PCNX1: variants seen among roughly 807,000 people sequenced by gnomAD.
The protein encoded by PCNX1 is pecanex-like protein 1.
In PCNX1, 78 loss-of-function variants were observed where a neutral mutation model predicts 242.2. The observed-to-expected ratio is 0.32, with a 90% CI of 0.27 to 0.39. The LOEUF is 0.39. Among genes scored for constraint, PCNX1 ranks in the 10% least tolerant of loss-of-function variants. The probability of loss-of-function intolerance (pLI) is 1.00; values close to 1 mark genes in which losing one functional copy is unlikely to be tolerated. For synonymous variants in PCNX1, 1,024 were observed against 1,032.9 expected (o/e 0.99, Z 0.17); for missense variants, 2,581 against 2,856.5 (o/e 0.90, Z 2.20).
chr14:70,948,737 G>A (rs2057575689), intron 2 of PCNX1, among the ~76,000 whole-genome samples: 1 of 141,980 alleles, frequency 7.0e-6, no homozygotes, highest in Non-Finnish European at 1.6e-5. Context: ...ACATATATAT[G>A]TGTATATGTA....
intron 10 of PCNX1, chr14:71,011,763 T>C (rs1439888120): frequency 1.2e-5 from 6 of 500,740 alleles, no homozygotes; most frequent in Non-Finnish European, 2.1e-5. Flanking sequence ...AACCCTGGCA[T>C]AGAGTATTTT....
intron 5 of PCNX1, among the ~76,000 whole-genome samples, chr14:70,969,518 A>G (rs753354885): frequency 6.6e-6 from 1 of 152,220 alleles, no homozygotes; most frequent in African/African-American, 2.4e-5. Context: ...AAAAACAGCA[A>G]TAAGTTTTGA....
intron 30 of PCNX1, among the ~76,000 whole-genome samples, chr14:71,090,066 A>G (rs866651148): frequency 7.2e-4 from 110 of 152,108 alleles, no homozygotes; most frequent in African/African-American, 2.5e-3. Context: ...ATATTAGCCA[A>G]CTCTAAATAT....
intron 6 of PCNX1, among the ~76,000 whole-genome samples, chr14:70,983,916 G>C (rs866346663): frequency 6.6e-6 from 1 of 151,316 alleles, no homozygotes; most frequent in African/African-American, 2.4e-5. Flanking sequence ...AGATAAAGTG[G>C]ATTTCATGCC....
chr14:70,928,038 T>C (rs2056655696), intron 1 of PCNX1, among the ~76,000 whole-genome samples: 2 of 152,162 alleles, frequency 1.3e-5, no homozygotes, highest in Non-Finnish European at 2.9e-5. Flanking sequence ...TTAATTCTCA[T>C]AGTTTGACTC....
chr14:71,038,274 A>C (rs1295888554), intron 19 of PCNX1, among the ~76,000 whole-genome samples: 1 of 85,272 alleles, frequency 1.2e-5, no homozygotes, highest in Non-Finnish European at 2.3e-5. Context: ...AACTACCATC[A>C]GAGTGAACAG....
intron 26 of PCNX1, among the ~76,000 whole-genome samples, chr14:71,059,900 GT>G (rs1282560337): frequency 1.3e-5 from 2 of 152,068 alleles, no homozygotes; most frequent in African/African-American, 4.8e-5. Flanking sequence ...TTTCTTAGAT[GT>G]GCTAAATTCT....
At chr14:71,055,783 T>C (rs991488771) in intron 25 of PCNX1, among the ~76,000 whole-genome samples, 9 of 152,212 alleles carry the variant, frequency 5.9e-5, no homozygotes, top group African/African-American at 2.2e-4. Context: ...AGAATGCTTA[T>C]AAGAATGAAA....
intron 1 of PCNX1, among the ~76,000 whole-genome samples, chr14:70,912,128 G>A (rs558170959): frequency 2.0e-5 from 3 of 152,108 alleles, no homozygotes; most frequent in Non-Finnish European, 2.9e-5. Context: ...CCAGCTACTC[G>A]GGAGGCTGAG....
chr14:70,968,076 A>G, intron 3 of PCNX1, 122 bp from the exon 4 acceptor site: 1 of 754,236 alleles, frequency 1.3e-6, no homozygotes, highest in South Asian at 1.7e-5. Flanking sequence ...TCTAATATTG[A>G]TAAAAATGAT....
At chr14:70,953,615 T>G (rs2057874149) in intron 2 of PCNX1, among the ~76,000 whole-genome samples, 1 of 151,260 alleles carries the variant, frequency 6.6e-6, no homozygotes, top group African/African-American at 2.4e-5. Flanking sequence ...ACAATGAAAT[T>G]TACCACTTTT....
In PCNX1 at chr14:70,995,513, T is replaced by C. The variant is rs928301018; in HGVS notation, c.2445-228T>C. On this transcript the variant is annotated intron_variant, in intron 7 of 35. Coordinates refer to ENST00000304743, the MANE Select transcript of PCNX1 (RefSeq NM_014982.3). ...AAAGTCGCAGATTGACCAATTTACA[T>C]GTACATTTAATGTTGACTGCATTTG... Among the ~76,000 whole-genome samples the C allele has an allele frequency of 3.3e-5, 5 of 152,348 alleles. 1 individual carries two copies. Among genetic ancestry groups the C allele is most frequent in the Admixed American group, 1.3e-4 (2 of 15,304 alleles).
Position 71,076,204 on chromosome 14 carries a change from G to A in PCNX1, c.5122G>A (p.Val1708Ile). The A allele has an allele frequency of 6.2e-7, 1 of 1,600,534 alleles. No individual in the cohort carries two copies. The highest frequency in any genetic ancestry group is 8.6e-7 in the Non-Finnish European group (1 of 1,169,228). Residue 1708 changes from valine to isoleucine, a missense_variant, in exon 28 of 36, where the codon GTT becomes ATT. By Grantham distance (29) the Val-to-Ile change is conservative. Transcript: ENST00000304743. ...TYYVKGIIYY[V>I]TTSSKLEEWL... ...TTCATGTTAGGGTATCATTTATTATGTTACGACCTCGTCTAAGCTAGAGGA... is the reference window on the plus strand; with the variant it reads ...TTCATGTTAGGGTATCATTTATTATATTACGACCTCGTCTAAGCTAGAGGA...
rs2062733531 is a variant in PCNX1 at position 71,110,444 on chromosome 14, A to ATTTATCT, written c.*511_*517dup. ...TGAAAGAGACTATGAACAGACATAG[A>ATTTATCT]TTTATCTTATTCCTTGAGCGCTAAA... On this transcript the variant is annotated 3_prime_UTR_variant, in exon 36 of 36. Coordinates refer to ENST00000304743, the MANE Select transcript of PCNX1 (RefSeq NM_014982.3). 2 of 155,816 alleles carry ATTTATCT rather than the reference A, an allele frequency of 1.3e-5. No individual in the cohort carries two copies. Among genetic ancestry groups the ATTTATCT allele is most frequent in the African/African-American group, 4.8e-5 (2 of 41,576 alleles). The allele number at this position is 155,816 out of a possible 1,614,324, so 9.7% of individuals were successfully genotyped here. A position where few individuals can be genotyped will look rare whatever the true frequency, so the allele number is the denominator to read the frequency against.
intron 7 of PCNX1, among the ~76,000 whole-genome samples, chr14:70,995,267 G>A (rs1236813342): frequency 2.0e-5 from 3 of 152,130 alleles, no homozygotes; most frequent in African/African-American, 7.2e-5. Context: ...TGGTTTTCAA[G>A]TGCATATAAA....
At chr14:70,919,313 C>T (rs1255725068) in intron 1 of PCNX1, among the ~76,000 whole-genome samples, 1 of 152,100 alleles carries the variant, frequency 6.6e-6, no homozygotes, top group African/African-American at 2.4e-5. Flanking sequence ...ATGCATACTG[C>T]ACTAACATAT....
At chr14:71,032,214 A>G (rs566666877) in intron 16 of PCNX1, among the ~76,000 whole-genome samples, 1 of 152,274 alleles carries the variant, frequency 6.6e-6, no homozygotes, top group Admixed American at 6.5e-5. Context: ...TGTTTGCTTT[A>G]TTATCACTGT....
At chr14:71,045,099 C>G in intron 19 of PCNX1, 34 bp from the exon 20 acceptor site, 1 of 1,460,544 alleles carries the variant, frequency 6.8e-7, no homozygotes, top group African/African-American at 1.4e-5. Flanking sequence ...CTCAAAATCA[C>G]TCCTAATTTT....
At chr14:70,928,676 C>T (rs2056677476) in intron 1 of PCNX1, among the ~76,000 whole-genome samples, 1 of 152,120 alleles carries the variant, frequency 6.6e-6, no homozygotes, top group African/African-American at 2.4e-5. Context: ...GTTAGTGCCT[C>T]TCAAGTTATA....
Sources: allele counts gnomAD v4.1 joint callset (sites outside exome capture counted in the v4.1 genomes callset), GRCh38; gene constraint gnomAD v4.1.1; transcripts MANE v1.5; gene names NCBI Gene and HGNC (gene_info 2026-07-23, HGNC 2026-07-21).